SLIT2: variants seen among roughly 807,000 people sequenced by gnomAD.
SLIT2 encodes slit homolog 2 protein.
SLIT2 carries 41 observed loss-of-function variants against 185.7 expected under a neutral mutation model. That is an observed-to-expected ratio of 0.22 (90% confidence interval 0.17 to 0.29). SLIT2 has a LOEUF of 0.29. Among genes scored for constraint, SLIT2 ranks in the 10% least tolerant of loss-of-function variants. The pLI, the probability that SLIT2 is intolerant of heterozygous loss-of-function variation, is 1.00. For synonymous variants in SLIT2, 693 were observed against 680.2 expected (o/e 1.02, Z -0.29); for missense variants, 1,571 against 1,909.0 (o/e 0.82, Z 3.30).
At chr4:20,451,034 G>A (rs1470486696) in intron 4 of SLIT2, among the ~76,000 whole-genome samples, 1 of 152,184 alleles carries the variant, frequency 6.6e-6, no homozygotes, top group Non-Finnish European at 1.5e-5. Flanking sequence ...ATGCAGGTTT[G>A]TGGGTATGTC....
chr4:20,291,904 C>G (rs1051109064), intron 4 of SLIT2, among the ~76,000 whole-genome samples: 3 of 146,858 alleles, frequency 2.0e-5, no homozygotes, highest in Non-Finnish European at 4.5e-5. Flanking sequence ...CTGCACACCT[C>G]TGTGTGTGTG....
chr4:20,547,136 T>C (rs959255375), intron 22 of SLIT2, among the ~76,000 whole-genome samples: 6 of 152,144 alleles, frequency 3.9e-5, no homozygotes, highest in Non-Finnish European at 8.8e-5. Flanking sequence ...TTATAGAAAG[T>C]AAATAGGAGT....
intron 4 of SLIT2, among the ~76,000 whole-genome samples, chr4:20,359,681 C>G (rs1722588297): frequency 6.6e-6 from 1 of 151,998 alleles, no homozygotes; most frequent in African/African-American, 2.4e-5. Flanking sequence ...TTTTGTTATA[C>G]TTTAAAAATT....
intron 1 of SLIT2, among the ~76,000 whole-genome samples, chr4:20,255,882 A>G (rs922362352): frequency 6.6e-6 from 1 of 152,200 alleles, no homozygotes; most frequent in African/African-American, 2.4e-5. Context: ...AAGAGCATTC[A>G]AACCGCAGCA....
At chr4:20,329,829 T>A (rs1249774962) in intron 4 of SLIT2, among the ~76,000 whole-genome samples, 1 of 152,162 alleles carries the variant, frequency 6.6e-6, no homozygotes. Context: ...ATAACCAGCC[T>A]CACCAGTTGA....
chr4:20,590,273 G>T (rs2148949606), intron 30 of SLIT2, among the ~76,000 whole-genome samples: 1 of 151,908 alleles, frequency 6.6e-6, no homozygotes, highest in Admixed American at 6.6e-5. Context: ...GATTTTTTTT[G>T]TGAAGTCACC....
chr4:20,301,743 A>G (rs1344570180), intron 4 of SLIT2, among the ~76,000 whole-genome samples: 1 of 152,202 alleles, frequency 6.6e-6, no homozygotes, highest in African/African-American at 2.4e-5. Context: ...AATGTTAAAG[A>G]GAACCATTTT....
In SLIT2 at chr4:20,619,014, A is replaced by G; in HGVS notation, c.*5A>G. 6 of 1,603,956 alleles carry G rather than the reference A, an allele frequency of 3.7e-6. No individual in the cohort carries two copies. Among genetic ancestry groups the G allele is most frequent in the Non-Finnish European group, 5.1e-6 (6 of 1,171,612 alleles). The stretch of plus-strand genomic sequence containing the variant: ...TGTACGAGGTGTGTGTCCTAAACAC[A>G]CTCCCGGCAGCTCTGTCTTTGGAAA... On this transcript the variant is annotated 3_prime_UTR_variant, in exon 37 of 37. Coordinates refer to ENST00000504154, the MANE Select transcript of SLIT2 (RefSeq NM_004787.4).
At chr4:20,325,287 T>C (rs1719470729) in intron 4 of SLIT2, among the ~76,000 whole-genome samples, 1 of 151,520 alleles carries the variant, frequency 6.6e-6, no homozygotes, top group Non-Finnish European at 1.5e-5. Flanking sequence ...AAAATGTTCT[T>C]GGAGAAAAAT....
At chr4:20,399,442 A>G (rs992633064) in intron 4 of SLIT2, among the ~76,000 whole-genome samples, 1 of 151,738 alleles carries the variant, frequency 6.6e-6, no homozygotes, top group Admixed American at 6.6e-5. Flanking sequence ...CTGCATTTAT[A>G]TAATAGGGCT....
intron 4 of SLIT2, among the ~76,000 whole-genome samples, chr4:20,382,808 A>G (rs1416379326): frequency 1.3e-5 from 2 of 152,158 alleles, no homozygotes; most frequent in Non-Finnish European, 2.9e-5. Flanking sequence ...TATAAAATTG[A>G]TATGGAGATG....
At chr4:20,593,937 A>G (rs1043050306) in intron 30 of SLIT2, among the ~76,000 whole-genome samples, 16 of 151,198 alleles carry the variant, frequency 1.1e-4, no homozygotes, top group African/African-American at 2.9e-4. Context: ...ATATACATAC[A>G]CTGCTACATA....
rs1729691600 is a variant in SLIT2, at chr4:20,616,822, G to A, written c.3848-88G>A. 5 of 1,421,984 alleles carry A rather than the reference G, an allele frequency of 3.5e-6. No homozygotes were observed. The African/African-American group carries it at 4.3e-5, about 12-fold the overall frequency. 88.1% of individuals were successfully genotyped at this position (1,421,984 alleles called of 1,614,324 possible). On this transcript the variant is annotated intron_variant, in intron 34 of 36. Coordinates refer to ENST00000504154, the MANE Select transcript of SLIT2 (RefSeq NM_004787.4). ...AATATCCTGCCATAATAGGTTGGCA[G>A]TGAGGTCCCAAGCATCAGTATTTCT... is the stretch of plus-strand genomic sequence containing the variant.
chr4:20,344,255 C>A (rs1721202701), intron 4 of SLIT2, among the ~76,000 whole-genome samples: 1 of 152,116 alleles, frequency 6.6e-6, no homozygotes. Context: ...GAGACAGATA[C>A]CCCTCTGATA....
At chr4:20,388,912 TAA>T (rs965514860) in intron 4 of SLIT2, among the ~76,000 whole-genome samples, 1 of 146,074 alleles carries the variant, frequency 6.8e-6, no homozygotes, top group African/African-American at 2.5e-5. Flanking sequence ...TATATACATA[TAA>T]TATATATAAT....
chr4:20,589,808 C>A, intron 30 of SLIT2, 71 bp downstream of exon 30: 1 of 996,246 alleles, frequency 1.0e-6, no homozygotes, highest in Non-Finnish European at 1.6e-6. Flanking sequence ...CCTTCTCCTC[C>A]TTCATCCTTA....
chr4:20,573,230 C>T (rs1233214012), intron 29 of SLIT2: 3 of 702,760 alleles, frequency 4.3e-6, no homozygotes, highest in African/African-American at 1.7e-5. Flanking sequence ...TTTGTCGCTG[C>T]CAGCTGCTAA....
chr4:20,552,382 A>G (rs1319414136), intron 25 of SLIT2: 1 of 142,492 alleles, frequency 7.0e-6, no homozygotes, highest in African/African-American at 2.6e-5. Context: ...TTTTTTCTTT[A>G]TATATATAAA....
chr4:20,479,458 T>A (rs1258264766), intron 5 of SLIT2, among the ~76,000 whole-genome samples: 1 of 152,172 alleles, frequency 6.6e-6, no homozygotes, highest in Non-Finnish European at 1.5e-5. Flanking sequence ...ACGATCATAA[T>A]CTTACTCCTG....
Sources: allele counts gnomAD v4.1 joint callset (sites outside exome capture counted in the v4.1 genomes callset), GRCh38; gene constraint gnomAD v4.1.1; transcripts MANE v1.5; gene names NCBI Gene and HGNC (gene_info 2026-07-23, HGNC 2026-07-21).